The following DLG2 variants were observed in gnomAD, a reference collection of about 807,000 sequenced individuals.
DLG2 encodes the protein discs large MAGUK scaffold protein 2, also known as disks large homolog 2.
DLG2 carries 45 observed loss-of-function variants against 132.5 expected under a neutral mutation model. The observed-to-expected ratio is 0.34, with a 90% confidence interval of 0.27 to 0.44. The LOEUF (loss-of-function observed/expected upper bound fraction) is 0.44, where lower values mean the gene tolerates loss of function less well. Among genes scored for constraint, DLG2 ranks in the 20% least tolerant of loss-of-function variants. The pLI is 1.00. For synonymous variants in DLG2, 424 were observed against 419.6 expected (o/e 1.01, Z -0.13); for missense variants, 1,045 against 1,196.9 (o/e 0.87, Z 1.87).
chr11:85,430,945 A>G (rs1240517464), intron 3 of DLG2, among the ~76,000 whole-genome samples: 1 of 152,116 alleles, frequency 6.6e-6, no homozygotes, highest in Non-Finnish European at 1.5e-5. Flanking sequence ...GTATTTCAGC[A>G]TGAGTGACAG....
chr11:84,532,536 C>A (rs1306138252), intron 7 of DLG2, among the ~76,000 whole-genome samples: 1 of 151,978 alleles, frequency 6.6e-6, no homozygotes, highest in Non-Finnish European at 1.5e-5. Flanking sequence ...CACTTTGTTG[C>A]CCAGGCTGTA....
At chr11:85,261,764 A>C (rs1420763635) in intron 4 of DLG2, among the ~76,000 whole-genome samples, 1 of 152,086 alleles carries the variant, frequency 6.6e-6, no homozygotes, top group Non-Finnish European at 1.5e-5. Flanking sequence ...CAAGGGCCAA[A>C]ATGGGATCAT....
At chr11:83,985,605 G>C (rs944150165) in intron 11 of DLG2, among the ~76,000 whole-genome samples, 5 of 152,030 alleles carry the variant, frequency 3.3e-5, no homozygotes, top group Non-Finnish European at 7.4e-5. Context: ...ACAACATGTG[G>C]TGTTTGGTTT....
At chr11:83,952,125 C>A (rs1426606279) in intron 14 of DLG2, among the ~76,000 whole-genome samples, 1 of 152,062 alleles carries the variant, frequency 6.6e-6, no homozygotes, top group Non-Finnish European at 1.5e-5. Context: ...GCAGGGGGAT[C>A]ACTTGAGCTT....
At position 84,015,628 on chromosome 11, in the gene DLG2, G is replaced by A. The variant is rs558505447; in HGVS notation, c.920-34986C>T. Among the ~76,000 whole-genome samples, 7 of 152,132 alleles carry A rather than the reference G, an allele frequency of 4.6e-5. No individual in the cohort carries two copies. In the South Asian group the frequency reaches 6.2e-4, roughly 14 times the overall value. On this transcript the variant is annotated intron_variant, in intron 11 of 27. Transcript: ENST00000376104. ...TCAGCTCCCAGTTATAAGTGGGAACGGGTGGTATTTGGTTTTCTGTTCTTG... is the reference window on the plus strand; with the variant it reads ...TCAGCTCCCAGTTATAAGTGGGAACAGGTGGTATTTGGTTTTCTGTTCTTG...
intron 4 of DLG2, among the ~76,000 whole-genome samples, chr11:85,269,278 C>T (rs978180913): frequency 6.6e-6 from 1 of 152,250 alleles, no homozygotes; most frequent in African/African-American, 2.4e-5. Context: ...TGGCTTGGAT[C>T]TTGGCCCATC....
intron 6 of DLG2, among the ~76,000 whole-genome samples, chr11:84,578,708 T>A (rs1484932767): frequency 6.6e-6 from 1 of 152,148 alleles, no homozygotes; most frequent in East Asian, 1.9e-4. Context: ...CTTTGGACCG[T>A]GGACTTTTGG....
At chr11:83,886,175 C>G (rs1448321926) in intron 15 of DLG2, among the ~76,000 whole-genome samples, 1 of 152,090 alleles carries the variant, frequency 6.6e-6, no homozygotes, top group Non-Finnish European at 1.5e-5. Flanking sequence ...AGAGTCAAGA[C>G]CCATCAGTGT....
At chr11:83,650,522 T>C (rs2069880190) in intron 18 of DLG2, among the ~76,000 whole-genome samples, 1 of 152,206 alleles carries the variant, frequency 6.6e-6, no homozygotes, top group East Asian at 1.9e-4. Context: ...TTCAGACTTC[T>C]GGCCTCCAAA....
intron 16 of DLG2, among the ~76,000 whole-genome samples, chr11:83,855,609 T>C (rs543672432): frequency 1.5e-4 from 23 of 152,192 alleles, no homozygotes; most frequent in Non-Finnish European, 2.9e-4. Context: ...TCTGATACTC[T>C]GGAAAAAGTA....
intron 7 of DLG2, among the ~76,000 whole-genome samples, chr11:84,274,494 C>A (rs939222771): frequency 6.6e-6 from 1 of 152,166 alleles, no homozygotes; most frequent in East Asian, 1.9e-4. Flanking sequence ...ATAACATACA[C>A]GAAATATTTT....
chr11:84,804,127 G>A (rs1221957001), intron 6 of DLG2, among the ~76,000 whole-genome samples: 1 of 152,150 alleles, frequency 6.6e-6, no homozygotes, highest in East Asian at 1.9e-4. Context: ...TTTTGGTGAT[G>A]ACAAATATTA....
chr11:83,573,335 A>G (rs1439909171), intron 19 of DLG2, among the ~76,000 whole-genome samples: 1 of 152,210 alleles, frequency 6.6e-6, no homozygotes, highest in Non-Finnish European at 1.5e-5. Context: ...TGCCTAAATT[A>G]TCACTAATAT....
At chr11:84,759,755 A>C (rs1446751801) in intron 6 of DLG2, among the ~76,000 whole-genome samples, 1 of 152,166 alleles carries the variant, frequency 6.6e-6, no homozygotes, top group Non-Finnish European at 1.5e-5. Context: ...ACTTGTCTTC[A>C]TATGCTACTG....
intron 9 of DLG2, among the ~76,000 whole-genome samples, chr11:84,116,866 G>A (rs2093658276): frequency 6.6e-6 from 1 of 152,140 alleles, no homozygotes; most frequent in Admixed American, 6.5e-5. Context: ...TACTGCTTAG[G>A]GAATAAAGTC....
At chr11:84,698,943 G>A (rs1320699278) in intron 6 of DLG2, among the ~76,000 whole-genome samples, 2 of 151,362 alleles carry the variant, frequency 1.3e-5, no homozygotes, top group Admixed American at 6.6e-5. Context: ...TCTTCACTGC[G>A]TTGCTATTTT....
At chr11:85,233,428 G>A (rs1016060564) in intron 4 of DLG2, among the ~76,000 whole-genome samples, 4 of 151,806 alleles carry the variant, frequency 2.6e-5, no homozygotes, top group African/African-American at 9.7e-5. Flanking sequence ...CAGCCTCACT[G>A]TTTACTTCAT....
intron 10 of DLG2, among the ~76,000 whole-genome samples, chr11:84,086,886 T>C (rs1205751982): frequency 6.6e-6 from 1 of 152,236 alleles, no homozygotes; most frequent in African/African-American, 2.4e-5. Flanking sequence ...TTCCCTATTC[T>C]AGAAATTTCG....
At chr11:83,952,958 T>C (rs1364319020) in intron 14 of DLG2, among the ~76,000 whole-genome samples, 1 of 152,040 alleles carries the variant, frequency 6.6e-6, no homozygotes, top group Non-Finnish European at 1.5e-5. Context: ...GATCAGTAGG[T>C]AATAAAAAGC....
Sources: allele counts gnomAD v4.1 joint callset (sites outside exome capture counted in the v4.1 genomes callset), GRCh38; gene constraint gnomAD v4.1.1; transcripts MANE v1.5; gene names NCBI Gene and HGNC (gene_info 2026-07-23, HGNC 2026-07-21).